DDAH1: variants seen among roughly 807,000 people sequenced by gnomAD.
DDAH1 encodes the protein dimethylarginine dimethylaminohydrolase 1.
Under a neutral mutation model 28.8 loss-of-function variants are expected in DDAH1, and 19 were observed. The ratio of observed to expected loss-of-function variants is 0.66; its 90% confidence interval spans 0.46 to 0.97. The LOEUF (loss-of-function observed/expected upper bound fraction) is 0.97. DDAH1 is among the 50% of genes least tolerant of loss of function. The pLI, the probability that DDAH1 is intolerant of heterozygous loss-of-function variation, is 0.00. For missense variants in DDAH1, 326 were observed against 375.9 expected (o/e 0.87, Z 1.10); for synonymous variants, 153 against 154.4 (o/e 0.99, Z 0.07).
intron 2 of DDAH1, among the ~76,000 whole-genome samples, chr1:85,492,887 T>C (rs1416708835): frequency 6.6e-6 from 1 of 152,094 alleles, no homozygotes; most frequent in East Asian, 1.9e-4. Flanking sequence ...TTTTCTTCAT[T>C]AGACTATGAG....
chr1:85,496,274 A>C, exon 2 of DDAH1: 2 of 963,672 alleles, frequency 2.1e-6, no homozygotes, highest in Non-Finnish European at 2.5e-6. Context: ...TTTTCCATAC[A>C]GATGAAACTG....
intron 4 of DDAH1, among the ~76,000 whole-genome samples, chr1:85,332,313 AC>A (rs1647826179): frequency 6.6e-6 from 1 of 152,168 alleles, no homozygotes; most frequent in Admixed American, 6.5e-5. Context: ...TCTAGCCCAC[AC>A]ATTGTACTGC....
chr1:85,469,833 G>A (rs1655556886), upstream of DDAH1, among the ~76,000 whole-genome samples: 1 of 152,144 alleles, frequency 6.6e-6, no homozygotes, highest in Non-Finnish European at 1.5e-5. Flanking sequence ...GATAATTATG[G>A]CTTATGGTCA....
At chr1:85,570,407 C>A (rs1256841351) in intron 1 of DDAH1, among the ~76,000 whole-genome samples, 1 of 141,822 alleles carries the variant, frequency 7.1e-6, no homozygotes, top group Non-Finnish European at 1.6e-5. Context: ...TCTCAGTGCA[C>A]TTATCTAACA....
intron 1 of DDAH1, among the ~76,000 whole-genome samples, chr1:85,572,078 T>C (rs1011276727): frequency 3.3e-5 from 5 of 152,166 alleles, no homozygotes; most frequent in African/African-American, 1.2e-4. Context: ...ACAAAATTGA[T>C]GGTGATGACT....
At chr1:85,434,422 G>GT (rs34431273) in intron 1 of DDAH1, among the ~76,000 whole-genome samples, 24,010 of 147,094 alleles carry the variant, frequency 0.16, 2,073 homozygotes, top group East Asian at 0.39. Context: ...TGTGTGTTTT[G>GT]TTTTTTTTTT....
chr1:85,329,726 A>T (rs1647648265), intron 4 of DDAH1, among the ~76,000 whole-genome samples: 1 of 152,258 alleles, frequency 6.6e-6, no homozygotes, highest in African/African-American at 2.4e-5. Context: ...CAATTAATTT[A>T]TCAAGACTCC....
At chr1:85,370,354 A>G (rs1051344166) in intron 1 of DDAH1, among the ~76,000 whole-genome samples, 9 of 152,258 alleles carry the variant, frequency 5.9e-5, no homozygotes, top group African/African-American at 2.2e-4. Flanking sequence ...ATGTCCAGTC[A>G]GTGGTACTAG....
intron 1 of DDAH1, chr1:85,577,929 G>A (rs1659658847): frequency 1.0e-6 from 1 of 979,240 alleles, no homozygotes. Context: ...TGGGGAGGGT[G>A]AAGGAGAAAC....
At chr1:85,355,746 C>A (rs894237731) in intron 2 of DDAH1, among the ~76,000 whole-genome samples, 3 of 151,998 alleles carry the variant, frequency 2.0e-5, no homozygotes, top group African/African-American at 7.2e-5. Context: ...GGAAAACATC[C>A]AAAAACACAT....
rs1157977083 is a variant in DDAH1, at chr1:85,464,754, G to A, written c.292C>T (p.Arg98Trp). The A allele has an allele frequency of 6.5e-7, 1 of 1,547,912 alleles. No individual in the cohort carries two copies. Among genetic ancestry groups the A allele is most frequent in the Non-Finnish European group, 8.7e-7 (1 of 1,152,646 alleles). ...ALITRPGAPS[R>W]RKEVDMMKEA... ...GAGTCGGCAGTTACCTCCTTCCTCCGGCTCGGCGCCCCGGGTCGGGTGATG... is the reference window on the plus strand; with the variant it reads ...GAGTCGGCAGTTACCTCCTTCCTCCAGCTCGGCGCCCCGGGTCGGGTGATG... The change falls in exon 1 of 6, where the codon CGG becomes TGG. Residue 98 changes from arginine to tryptophan, a missense_variant. Arg to Trp is a moderately radical substitution (Grantham distance 101). Coordinates refer to ENST00000284031, the MANE Select transcript of DDAH1 (RefSeq NM_012137.4). The surrounding 1 kb of genome is among the most constrained non-coding windows in gnomAD (Gnocchi z 4.4).
chr1:85,405,463 C>A lies in DDAH1; in HGVS notation c.304-46616G>T, dbSNP rs765902242. 2.0e-5 allele frequency among the ~76,000 whole-genome samples: 3 copies of A among 152,074 alleles called. No homozygotes were observed. In the East Asian group the frequency reaches 5.8e-4, roughly 29 times the overall value. ...CTTTAAATAAACACAGGTGTCAGGACGCTTAAGCATGTAAATGGAGGTCAC... is the reference window on the plus strand; with the variant it reads ...CTTTAAATAAACACAGGTGTCAGGAAGCTTAAGCATGTAAATGGAGGTCAC... On this transcript the variant is annotated intron_variant, in intron 1 of 5. Coordinates refer to ENST00000284031, the MANE Select transcript of DDAH1 (RefSeq NM_012137.4).
At chr1:85,485,954 A>G (rs1241151075) in intron 2 of DDAH1, among the ~76,000 whole-genome samples, 3 of 152,182 alleles carry the variant, frequency 2.0e-5, no homozygotes, top group Admixed American at 6.5e-5. Flanking sequence ...TTAGCTTGGG[A>G]AGTGAACTAT....
intron 1 of DDAH1, among the ~76,000 whole-genome samples, chr1:85,430,062 T>C (rs1411854008): frequency 1.3e-5 from 2 of 152,030 alleles, no homozygotes; most frequent in Non-Finnish European, 1.5e-5. Context: ...CTTTAATCTA[T>C]CTTAATTTTT....
intron 1 of DDAH1, among the ~76,000 whole-genome samples, chr1:85,570,479 C>G (rs1259935289): frequency 1.3e-5 from 2 of 152,070 alleles, no homozygotes; most frequent in African/African-American, 2.4e-5. Context: ...CAGCATAGTA[C>G]TCTAGTGCAG....
At chr1:85,436,846 G>A (rs1453642455) in intron 1 of DDAH1, among the ~76,000 whole-genome samples, 1 of 152,166 alleles carries the variant, frequency 6.6e-6, no homozygotes, top group Admixed American at 6.6e-5. Context: ...TTTCTGTCCA[G>A]GGCCAACCCT....
chr1:85,351,140 C>T (rs754911624), intron 3 of DDAH1, among the ~76,000 whole-genome samples: 1 of 151,644 alleles, frequency 6.6e-6, no homozygotes, highest in Non-Finnish European at 1.5e-5. Flanking sequence ...ATGCAATCCT[C>T]CTGCCTTGGC....
chr1:85,546,638 G>T (rs1321797787), intron 1 of DDAH1, among the ~76,000 whole-genome samples: 1 of 152,034 alleles, frequency 6.6e-6, no homozygotes, highest in Non-Finnish European at 1.5e-5. Context: ...AGTAAATACA[G>T]TCACTCTTTT....
intron 1 of DDAH1, among the ~76,000 whole-genome samples, chr1:85,547,475 A>T (rs1304913111): frequency 6.6e-6 from 1 of 152,194 alleles, no homozygotes; most frequent in Non-Finnish European, 1.5e-5. Flanking sequence ...TGCACTAAAC[A>T]TGCTTTTGCC....
Sources: gnomAD v4.1 joint callset for allele counts (sites outside exome capture counted in the v4.1 genomes callset) on GRCh38, gnomAD v4.1.1 for gene constraint, Gnocchi (gnomAD v3.1) non-coding constraint, MANE v1.5 for transcripts, NCBI Gene and HGNC (gene_info 2026-07-23, HGNC 2026-07-21) for gene names.